RBM33: variants seen among roughly 807,000 people sequenced by gnomAD.
The protein encoded by RBM33 is RNA-binding protein 33.
RBM33 carries 28 observed loss-of-function variants against 132.6 expected under a neutral mutation model. The ratio of observed to expected loss-of-function variants is 0.21; its 90% CI spans 0.16 to 0.29. The LOEUF (loss-of-function observed/expected upper bound fraction) is 0.29. Among genes scored for constraint, RBM33 ranks in the 10% least tolerant of loss-of-function variants. The probability of loss-of-function intolerance (pLI) is 1.00; values close to 1 mark genes in which losing one functional copy is unlikely to be tolerated. For missense variants in RBM33, 1,291 were observed against 1,518.5 expected (o/e 0.85, Z 2.49); for synonymous variants, 634 against 593.0 (o/e 1.07, Z -1.01).
At chr7:155,652,208 A>C (rs1477984262) in intron 1 of RBM33, among the ~76,000 whole-genome samples, 1 of 152,200 alleles carries the variant, frequency 6.6e-6, no homozygotes, top group Non-Finnish European at 1.5e-5. Context: ...TTTGGAATAC[A>C]AAGGTCAGCA....
Position 155,774,487 on chromosome 7 carries a change from C to A in RBM33, c.3376-72C>A. ...TCATTTTGTGTTAAAACTAATAATG[C>A]TTAAATATATATATTCATATTTTTT... On this transcript the variant is annotated intron_variant, in intron 16 of 17. Transcript: ENST00000401878. The surrounding 1 kb of genome is among the most constrained non-coding windows in gnomAD (Gnocchi z 4.2). 1 of 1,128,342 alleles carries A rather than the reference C, an allele frequency of 8.9e-7. No individual in the cohort carries two copies. The highest frequency in any genetic ancestry group is 1.3e-6 in the Non-Finnish European group (1 of 757,292). The allele number at this position is 1,128,342 out of a possible 1,614,324, so 69.9% of individuals were successfully genotyped here. A position where few individuals can be genotyped will look rare whatever the true frequency, so the allele number is the denominator to read the frequency against.
chr7:155,703,477 T>G (rs1338287494), intron 6 of RBM33, among the ~76,000 whole-genome samples: 1 of 152,218 alleles, frequency 6.6e-6, no homozygotes, highest in Non-Finnish European at 1.5e-5. Context: ...AGAATGTGGT[T>G]GTTTGGCAAG....
chr7:155,679,939 T>G (rs1309394882), intron 4 of RBM33, among the ~76,000 whole-genome samples: 1 of 142,418 alleles, frequency 7.0e-6, no homozygotes, highest in African/African-American at 3.0e-5. Flanking sequence ...GTGGAACATG[T>G]TTTTTTTGCA....
Position 155,674,048 on chromosome 7 carries a change from T to C in RBM33, c.171+1133T>C, listed in dbSNP as rs183715850. Among the ~76,000 whole-genome samples the C allele has an allele frequency of 1.7e-3, 258 of 148,496 alleles. 3 individuals are homozygous for C. Among genetic ancestry groups the C allele is most frequent in the Admixed American group, 0.016 (231 of 14,734 alleles). ...GCTCACTGCAAGCTTCTAGAAGTGA[T>C]TACTGCATCATTAGCCTGCAGGTCG... is the stretch of plus-strand genomic sequence containing the variant. On this transcript the variant is annotated intron_variant, in intron 3 of 17. Coordinates refer to ENST00000401878, the MANE Select transcript of RBM33 (RefSeq NM_053043.3).
chr7:155,677,484 A>G (rs988216216), intron 3 of RBM33, among the ~76,000 whole-genome samples: 1 of 152,210 alleles, frequency 6.6e-6, no homozygotes, highest in Non-Finnish European at 1.5e-5. Flanking sequence ...TGTTGGGATT[A>G]CAGGCATGAG....
At chr7:155,755,450 AT>A (rs1246680319) in intron 14 of RBM33, among the ~76,000 whole-genome samples, 2 of 152,178 alleles carry the variant, frequency 1.3e-5, no homozygotes, top group African/African-American at 4.8e-5. Flanking sequence ...AGTTTGGCGG[AT>A]TTGGATTTTG....
chr7:155,695,729 G>A (rs1054964806), intron 5 of RBM33, among the ~76,000 whole-genome samples: 6 of 152,154 alleles, frequency 3.9e-5, no homozygotes, highest in South Asian at 4.1e-4. Context: ...CCAAAGTGCC[G>A]GGATTATAGG....
At chr7:155,681,328 C>G (rs1215503530) in intron 5 of RBM33, among the ~76,000 whole-genome samples, 1 of 152,188 alleles carries the variant, frequency 6.6e-6, no homozygotes, top group Non-Finnish European at 1.5e-5. Flanking sequence ...GATTGATGTC[C>G]TGTTCATTCA....
Position 155,745,863 on chromosome 7 carries a change from C to A in RBM33, c.2979+261C>A. The A allele has an allele frequency of 2.0e-6, 1 of 490,038 alleles. No homozygotes were observed. The highest frequency in any genetic ancestry group is 3.7e-6 in the Non-Finnish European group (1 of 273,090). 30.4% of individuals were successfully genotyped at this position (490,038 alleles called of 1,614,324 possible). ...CATACACAGACGGTACAGCCTGCTG[C>A]ACACCTAGGCTATATGGTACAGCCT... On this transcript the variant is annotated intron_variant, in intron 14 of 17. Transcript: ENST00000401878. The surrounding 1 kb of genome is among the most constrained non-coding windows in gnomAD (Gnocchi z 4.1).
intron 14 of RBM33, among the ~76,000 whole-genome samples, chr7:155,754,640 C>T (rs554646624): frequency 3.9e-5 from 6 of 152,352 alleles, no homozygotes; most frequent in African/African-American, 1.4e-4. Context: ...TTTGTTCCTT[C>T]AAAGGTCAGC....
chr7:155,681,614 G>A (rs1327913323), intron 5 of RBM33, among the ~76,000 whole-genome samples: 3 of 152,078 alleles, frequency 2.0e-5, no homozygotes, highest in Non-Finnish European at 2.9e-5. Flanking sequence ...ATGAGGGAAG[G>A]ATGTGATCTC....
intron 5 of RBM33, 54 bp downstream of exon 5, chr7:155,680,962 G>A (rs894800216): frequency 1.4e-6 from 2 of 1,407,014 alleles, no homozygotes; most frequent in South Asian, 2.6e-5. Flanking sequence ...CCATGCATAG[G>A]CTTCTAGACT....
At chr7:155,689,204 T>A (rs200963244) in intron 5 of RBM33, among the ~76,000 whole-genome samples, 1 of 150,992 alleles carries the variant, frequency 6.6e-6, no homozygotes, top group East Asian at 1.9e-4. Context: ...GTCTTGGGAG[T>A]GTGTATGTGT....
chr7:155,714,170 A>G (rs1800391658), intron 8 of RBM33, among the ~76,000 whole-genome samples: 1 of 152,186 alleles, frequency 6.6e-6, no homozygotes, highest in South Asian at 2.1e-4. Flanking sequence ...GTCTCTGTCC[A>G]GCTGCGCTCA....
At chr7:155,694,586 G>C (rs1381315401) in intron 5 of RBM33, among the ~76,000 whole-genome samples, 1 of 152,158 alleles carries the variant, frequency 6.6e-6, no homozygotes, top group Non-Finnish European at 1.5e-5. Context: ...GTTTTTGTCT[G>C]TTCAGTCCTG....
chr7:155,743,801 C>G (rs1277129123), intron 13 of RBM33, among the ~76,000 whole-genome samples: 1 of 152,126 alleles, frequency 6.6e-6, no homozygotes, highest in Non-Finnish European at 1.5e-5. Flanking sequence ...GTAATTATTC[C>G]TGTGTTTTGA....
chr7:155,749,479 G>A (rs1444023276), intron 14 of RBM33, among the ~76,000 whole-genome samples: 1 of 152,146 alleles, frequency 6.6e-6, no homozygotes, highest in Non-Finnish European at 1.5e-5. Context: ...GTCTATGATA[G>A]TTGTCTATTT....
At chr7:155,644,973 G>A in intron 1 of RBM33, 54 bp downstream of exon 1, 31 of 1,393,878 alleles carry the variant, frequency 2.2e-5, no homozygotes, top group Non-Finnish European at 2.7e-5. Flanking sequence ...GTGGGCGGGG[G>A]TGTAGGCCGG....
intron 5 of RBM33, among the ~76,000 whole-genome samples, chr7:155,689,322 G>C (rs368048386): frequency 4.6e-5 from 7 of 151,208 alleles, no homozygotes; most frequent in East Asian, 1.9e-4. Context: ...GGTGATATCC[G>C]CTTTATCATT....
Sources: allele counts gnomAD v4.1 joint callset (sites outside exome capture counted in the v4.1 genomes callset), GRCh38; gene constraint gnomAD v4.1.1; non-coding constraint Gnocchi (gnomAD v3.1); transcripts MANE v1.5; gene names NCBI Gene and HGNC (gene_info 2026-07-23, HGNC 2026-07-21).